Variants in ABHD14A observed in about 807,000 individuals in gnomAD.
The protein encoded by ABHD14A is protein ABHD14A.
ABHD14A carries 19 observed loss-of-function variants against 27.0 expected under a neutral mutation model. The ratio of observed to expected loss-of-function variants is 0.70; its 90% CI spans 0.49 to 1.03. The LOEUF (loss-of-function observed/expected upper bound fraction) is 1.03. ABHD14A is among the 50% of genes least tolerant of loss of function. The pLI, the probability that ABHD14A is intolerant of heterozygous loss-of-function variation, is 0.00. For synonymous variants in ABHD14A, 148 were observed against 158.8 expected (o/e 0.93, Z 0.51); for missense variants, 311 against 344.6 (o/e 0.90, Z 0.77).
intron 3 of ABHD14A, 147 bp from the exon 4 acceptor site, chr3:51,980,246 A>G (rs1160225321): frequency 2.6e-6 from 2 of 761,312 alleles, no homozygotes; most frequent in Admixed American, 4.0e-5. Flanking sequence ...TAACAGGCAT[A>G]TTACATTACC....
At chr3:51,976,325 TAGGAACC>T (rs1291444539) in intron 1 of ABHD14A, among the ~76,000 whole-genome samples, 2 of 152,118 alleles carry the variant, frequency 1.3e-5, no homozygotes, top group East Asian at 3.9e-4. Context: ...GAGGGATGAA[TAGGAACC>T]AAGACGGGCC....
At position 51,978,081 on chromosome 3, in the gene ABHD14A, A is replaced by G. The variant is rs1333909758; in HGVS notation, c.280A>G (p.Arg94Gly). ...GGTGCTCCCACTCAACCAGGCACAC[A>G]GGTAGGTGCTGCTCCAAGGGTCTAG... is the stretch of plus-strand genomic sequence containing the variant. The part of the protein sequence containing the change: ...REVLPLNQAH[R>G]VEVVLLHGKA... The change falls in exon 2 of 5, where the codon AGG becomes GGG. Residue 94 changes from arginine to glycine, a missense_variant and splice_region_variant. Arg to Gly is a moderately radical substitution (Grantham distance 125, BLOSUM62 -2). Coordinates refer to ENST00000273596, the MANE Select transcript of ABHD14A (RefSeq NM_015407.5). 6.2e-7 allele frequency: 1 copy of G among 1,613,230 alleles called. No individual in the cohort carries two copies. Among genetic ancestry groups the G allele is most frequent in the Non-Finnish European group, 8.5e-7 (1 of 1,179,608 alleles).
Position 51,981,163 on chromosome 3 carries a change from C to A in ABHD14A, c.*145C>A. On this transcript the variant is annotated 3_prime_UTR_variant, in exon 5 of 5. Transcript: ENST00000273596. ...AGGACTCCTCATTTCATCTCACAGA[C>A]ACAATAAAAAAGCATATTTGTCCTG... 1.2e-6 allele frequency: 1 copy of A among 850,870 alleles called. No homozygotes were observed. Among genetic ancestry groups the A allele is most frequent in the Non-Finnish European group, 1.8e-6 (1 of 557,958 alleles). The allele number at this position is 850,870 out of a possible 1,614,324, so 52.7% of individuals were successfully genotyped here.
Position 51,975,221 on chromosome 3 carries a change from A to G in ABHD14A, c.69+17A>G. On this transcript the variant is annotated intron_variant, in intron 1 of 4. Coordinates refer to ENST00000273596, the MANE Select transcript of ABHD14A (RefSeq NM_015407.5). ...TTGGGCCCGGTGAGTCTCCCGGGGG[A>G]GGGAGGCCGGCCGGTGGCCCAGGGG... The G allele has an allele frequency of 1.6e-6, 2 of 1,249,036 alleles. No individual in the cohort carries two copies. The highest frequency in any genetic ancestry group is 6.4e-5 in the South Asian group (2 of 31,176). The allele number at this position is 1,249,036 out of a possible 1,614,324, so 77.4% of individuals were successfully genotyped here.
chr3:51,980,695 G>A, intron 4 of ABHD14A, 67 bp downstream of exon 4: 1 of 1,570,294 alleles, frequency 6.4e-7, no homozygotes, highest in Non-Finnish European at 8.7e-7. Flanking sequence ...CAGGACTCAA[G>A]TCTTACTTGG....
In ABHD14A at chr3:51,980,894, G is replaced by A. The variant is rs201197998; in HGVS notation, c.692G>A (p.Arg231Gln). The A allele has an allele frequency of 6.0e-4, 971 of 1,614,100 alleles. 10 individuals carry two copies. In the South Asian group the frequency reaches 0.01, roughly 17 times the overall value. The stretch of plus-strand genomic sequence containing the variant: ...CACATCCTGGCTCGAGAGTCACTGC[G>A]GCAGCTCCGCCACCTGCCCAACCAC... ...LDHILARESL[R>Q]QLRHLPNHSV... is the part of the protein sequence containing the mutation. The change falls in exon 5 of 5, where the codon CGG becomes CAG. Residue 231 changes from arginine to glutamine, a missense_variant. Coordinates refer to ENST00000273596, the MANE Select transcript of ABHD14A (RefSeq NM_015407.5).
At chr3:51,976,644 T>C (rs1700793945) in intron 1 of ABHD14A, among the ~76,000 whole-genome samples, 2 of 152,158 alleles carry the variant, frequency 1.3e-5, no homozygotes, top group Non-Finnish European at 1.5e-5. Context: ...CACTGCACTC[T>C]AGCCTGGGCG....
chr3:51,976,669 C>T (rs1174844915), intron 1 of ABHD14A, among the ~76,000 whole-genome samples: 1 of 152,024 alleles, frequency 6.6e-6, no homozygotes, highest in East Asian at 1.9e-4. Flanking sequence ...AGCAAGACTC[C>T]GTCTCAGAAA....
Position 51,975,078 on chromosome 3 carries a change from A to G in ABHD14A, c.-58A>G. On this transcript the variant is annotated 5_prime_UTR_variant, in exon 1 of 5. It removes an upstream start codon present in the reference 5' UTR. Coordinates refer to ENST00000273596, the MANE Select transcript of ABHD14A (RefSeq NM_015407.5). ...CTGCGGAGTGCGCAGGCGCGCCGAG[A>G]TGGCCGCGCTCCTGGCCGCCTAGAG... 1.6e-6 allele frequency: 2 copies of G among 1,269,484 alleles called. No individual in the cohort carries two copies. Among genetic ancestry groups the G allele is most frequent in the South Asian group, 2.6e-5 (1 of 38,326 alleles). The allele number at this position is 1,269,484 out of a possible 1,614,324, so 78.6% of individuals were successfully genotyped here. A position where few individuals can be genotyped will look rare whatever the true frequency, so the allele number is the denominator to read the frequency against.
intron 1 of ABHD14A, among the ~76,000 whole-genome samples, chr3:51,975,524 T>G (rs1184089511): frequency 6.6e-6 from 1 of 151,694 alleles, no homozygotes; most frequent in Admixed American, 6.6e-5. Context: ...TGTATTTCTG[T>G]GTGCGTGTGA....
chr3:51,977,891 G>C lies in ABHD14A; in HGVS notation c.90G>C (p.Met30Ile). 1 of 1,613,848 alleles carries C rather than the reference G, an allele frequency of 6.2e-7. No homozygotes were observed. The highest frequency in any genetic ancestry group is 1.7e-5 in the Admixed American group (1 of 60,018). Residue 30 changes from methionine to isoleucine, a missense_variant, in exon 2 of 5, where the codon ATG becomes ATC. Met to Ile is a conservative substitution (Grantham distance 10). Transcript: ENST00000273596. ...TCCAGACTGTGGTACAGACCTCCAT[G>C]AGCCGGTCCCAGGTAGCCCTGCTGG... ...PLGPTVVQTSMSRSQVALLGL... is the reference protein window; with the variant it reads ...PLGPTVVQTSISRSQVALLGL...
chr3:51,978,443 C>A, intron 3 of ABHD14A, 69 bp downstream of exon 3: 3 of 1,222,056 alleles, frequency 2.5e-6, no homozygotes, highest in South Asian at 1.4e-5. Flanking sequence ...ACCCTAGGGT[C>A]TGGACAGGCC....
Position 51,976,448 on chromosome 3 carries a change from G to A in ABHD14A, c.69+1244G>A, listed in dbSNP as rs571109524. ...TCCCAGCACTCTGGGAGGCCGAGGC[G>A]GGTGAAACACGAGGCCAGCAGTTCG... On this transcript the variant is annotated intron_variant, in intron 1 of 4. Coordinates refer to ENST00000273596, the MANE Select transcript of ABHD14A (RefSeq NM_015407.5). Among the ~76,000 whole-genome samples, 629 of 152,338 alleles carry A rather than the reference G, an allele frequency of 4.1e-3. 10 individuals carry two copies. The highest frequency in any genetic ancestry group is 5.3e-3 in the Non-Finnish European group (361 of 68,040).
chr3:51,981,171 A>C lies in ABHD14A; in HGVS notation c.*153A>C. The C allele has an allele frequency of 1.3e-6, 1 of 798,572 alleles. No homozygotes were observed. The highest frequency in any genetic ancestry group is 1.9e-6 in the Non-Finnish European group (1 of 518,060). The allele number at this position is 798,572 out of a possible 1,614,324, so 49.5% of individuals were successfully genotyped here. Reference sequence around the variant, plus strand: ...TCATTTCATCTCACAGACACAATAAAAAAGCATATTTGTCCTGCCTGGGAA... The same window carrying C: ...TCATTTCATCTCACAGACACAATAACAAAGCATATTTGTCCTGCCTGGGAA... On this transcript the variant is annotated 3_prime_UTR_variant, in exon 5 of 5. Transcript: ENST00000273596.
chr3:51,980,762 G>C (rs1464182153), intron 4 of ABHD14A, 74 bp from the exon 5 acceptor site: 1 of 1,572,978 alleles, frequency 6.4e-7, no homozygotes, highest in South Asian at 1.2e-5. Context: ...GTTGGGGAAG[G>C]CTTCCTAGGA....
Position 51,977,868 on chromosome 3 carries a change from C to T in ABHD14A, c.70-3C>T. On this transcript the variant is annotated splice_polypyrimidine_tract_variant and splice_region_variant and intron_variant, in intron 1 of 4. Transcript: ENST00000273596. ...CTCTTTTCCCTCTCCTCTCCCTCTC[C>T]AGACTGTGGTACAGACCTCCATGAG... 1 of 1,608,618 alleles carries T rather than the reference C, an allele frequency of 6.2e-7. No homozygotes were observed. The highest frequency in any genetic ancestry group is 8.5e-7 in the Non-Finnish European group (1 of 1,175,562).
At position 51,978,367 on chromosome 3, in the gene ABHD14A, C is replaced by T. The variant is rs1700835968; in HGVS notation, c.390C>T (p.Asp130=). 1.3e-6 allele frequency: 2 copies of T among 1,551,072 alleles called. No individual in the cohort carries two copies. Among genetic ancestry groups the T allele is most frequent in the African/African-American group, 1.4e-5 (1 of 73,026 alleles). The stretch of plus-strand genomic sequence containing the variant: ...GGGGCTACCGGGCCGTGGCCCTTGA[C>T]CTTCCAGGTGAGCACCCCCACCCCT... The part of the protein sequence containing the change: ...SQRGYRAVAL[D]LPGFGNSAPS... The change falls in exon 3 of 5, where the codon GAC becomes GAT. Residue 130 remains aspartate (D), a synonymous_variant. Coordinates refer to ENST00000273596, the MANE Select transcript of ABHD14A (RefSeq NM_015407.5).
chr3:51,980,825 T>C lies in ABHD14A; in HGVS notation c.634-11T>C. On this transcript the variant is annotated splice_polypyrimidine_tract_variant and intron_variant, in intron 4 of 4. Coordinates refer to ENST00000273596, the MANE Select transcript of ABHD14A (RefSeq NM_015407.5). Reference sequence around the variant, plus strand: ...GGCCCCAAGATCACAGCCCCCTGCCTTGCCCTGCAGACTCCAACCCTTATC... The same window carrying C: ...GGCCCCAAGATCACAGCCCCCTGCCCTGCCCTGCAGACTCCAACCCTTATC... 6.2e-7 allele frequency: 1 copy of C among 1,604,710 alleles called. No individual in the cohort carries two copies. The highest frequency in any genetic ancestry group is 8.5e-7 in the Non-Finnish European group (1 of 1,172,404).
At chr3:51,976,209 C>G (rs974242122) in intron 1 of ABHD14A, among the ~76,000 whole-genome samples, 5 of 152,246 alleles carry the variant, frequency 3.3e-5, no homozygotes, top group African/African-American at 1.2e-4. Context: ...CCACTAGGTC[C>G]TGGTTTTCCA....
Sources: allele counts gnomAD v4.1 joint callset (sites outside exome capture counted in the v4.1 genomes callset), GRCh38; gene constraint gnomAD v4.1.1; transcripts MANE v1.5; gene names NCBI Gene and HGNC (gene_info 2026-07-23, HGNC 2026-07-21).